The following MINDY3 variants were observed in gnomAD, a reference collection of about 807,000 sequenced individuals.
MINDY3 encodes the protein ubiquitin carboxyl-terminal hydrolase MINDY-3.
Under a neutral mutation model 69.2 loss-of-function variants are expected in MINDY3, and 38 were observed. The observed-to-expected ratio is 0.55, with a 90% CI of 0.42 to 0.72. MINDY3 has a LOEUF of 0.72. MINDY3 is among the 30% of genes least tolerant of loss of function. MINDY3 has a pLI of 0.00. For synonymous variants in MINDY3, 192 were observed against 180.1 expected, an observed-to-expected ratio of 1.07 and a Z score of -0.53; for missense variants, 522 against 519.0, an observed-to-expected ratio of 1.01 and a Z score of -0.06.
intron 10 of MINDY3, among the ~76,000 whole-genome samples, chr10:15,809,537 C>T (rs35140956): frequency 0.036 from 5,428 of 152,236 alleles, 121 homozygotes; most frequent in Non-Finnish European, 0.055. Context: ...TCTGCCACAG[C>T]TCAGATGACC....
At chr10:15,843,853 G>T (rs1473253793) in intron 2 of MINDY3, among the ~76,000 whole-genome samples, 2 of 152,122 alleles carry the variant, frequency 1.3e-5, no homozygotes, top group Admixed American at 6.6e-5. Context: ...AAGCTGCACA[G>T]TGAAGTGTCT....
chr10:15,814,906 C>T (rs1452425824), intron 10 of MINDY3, among the ~76,000 whole-genome samples: 1 of 152,168 alleles, frequency 6.6e-6, no homozygotes, highest in East Asian at 1.9e-4. Context: ...ACAGCTCATT[C>T]GACACTGTTC....
intron 6 of MINDY3, among the ~76,000 whole-genome samples, chr10:15,835,663 A>G (rs111843359): frequency 5.8e-4 from 88 of 152,226 alleles, no homozygotes; most frequent in African/African-American, 2.0e-3. Flanking sequence ...TGAGCATAAG[A>G]AAGTTGGAGA....
At chr10:15,786,411 C>T in intron 13 of MINDY3, 150 bp downstream of exon 13, 1 of 597,884 alleles carries the variant, frequency 1.7e-6, no homozygotes, top group Non-Finnish European at 3.0e-6. Flanking sequence ...ACACACATTC[C>T]CTCTGTCTGG....
At chr10:15,831,221 G>A (rs1279249394) in intron 8 of MINDY3, among the ~76,000 whole-genome samples, 15 of 152,164 alleles carry the variant, frequency 9.9e-5, no homozygotes, top group Admixed American at 9.8e-4. Flanking sequence ...GTTTAAATGA[G>A]TTTAAGTAGG....
intron 14 of MINDY3, among the ~76,000 whole-genome samples, chr10:15,780,009 C>T (rs1401370160): frequency 1.3e-5 from 2 of 152,160 alleles, no homozygotes; most frequent in African/African-American, 4.8e-5. Context: ...AAGAGAAATT[C>T]TGATGCTGTA....
intron 8 of MINDY3, among the ~76,000 whole-genome samples, chr10:15,823,636 A>G (rs1015861066): frequency 5.9e-5 from 9 of 152,144 alleles, no homozygotes; most frequent in African/African-American, 1.7e-4. Context: ...TTAAACACAT[A>G]TACTACATAA....
rs567580698 is a variant in MINDY3, at chr10:15,833,194, A to G, written c.730+436T>C. ...GAAGAGTTGGTAATTTAAAAGTCTC[A>G]GTATTAAATTTGCTCGGTGTTTTAA... On this transcript the variant is annotated intron_variant, in intron 8 of 14. Coordinates refer to ENST00000277632, the MANE Select transcript of MINDY3 (RefSeq NM_024948.4). 3.3e-5 allele frequency among the ~76,000 whole-genome samples: 5 copies of G among 152,352 alleles called. No individual in the cohort carries two copies. In the East Asian group the frequency reaches 9.6e-4, roughly 29 times the overall value.
At position 15,847,956 on chromosome 10, in the gene MINDY3, G is replaced by T; in HGVS notation, c.95-13C>A. On this transcript the variant is annotated splice_polypyrimidine_tract_variant and intron_variant, in intron 1 of 14. Transcript: ENST00000277632. The stretch of plus-strand genomic sequence containing the variant: ...CTAAACACAAACCCTAAAAATGAAA[G>T]CAAGTAGGAAAGATTAAAAATATAA... 1 of 1,602,562 alleles carries T rather than the reference G, an allele frequency of 6.2e-7. No individual in the cohort carries two copies.
At chr10:15,853,997 T>G (rs1834504573) in intron 1 of MINDY3, among the ~76,000 whole-genome samples, 1 of 152,106 alleles carries the variant, frequency 6.6e-6, no homozygotes, top group Non-Finnish European at 1.5e-5. Flanking sequence ...TGACTTCTGG[T>G]ATGGTATAAT....
chr10:15,820,268 A>T (rs1042842550), intron 9 of MINDY3, among the ~76,000 whole-genome samples: 2 of 152,124 alleles, frequency 1.3e-5, no homozygotes, highest in African/African-American at 4.8e-5. Context: ...CAAGCACTGG[A>T]GAGGGCTCGG....
At chr10:15,841,011 TCCCCATC>T (rs1833430019) in intron 4 of MINDY3, among the ~76,000 whole-genome samples, 3 of 151,444 alleles carry the variant, frequency 2.0e-5, no homozygotes, top group Non-Finnish European at 4.4e-5. Context: ...AGGAGAAATG[TCCCCATC>T]TTTGCTCTGG....
intron 2 of MINDY3, among the ~76,000 whole-genome samples, chr10:15,843,609 G>C (rs979841362): frequency 6.6e-6 from 1 of 151,996 alleles, no homozygotes. Context: ...TGTAGAACAC[G>C]AACAAGTCTA....
chr10:15,857,023 G>T (rs1018190660), intron 1 of MINDY3, among the ~76,000 whole-genome samples: 8 of 152,094 alleles, frequency 5.3e-5, no homozygotes, highest in Admixed American at 2.0e-4. Context: ...TCTCTCCTTT[G>T]CTTCAAACCT....
chr10:15,787,289 G>T (rs1324122827), intron 12 of MINDY3, among the ~76,000 whole-genome samples: 3 of 152,118 alleles, frequency 2.0e-5, no homozygotes, highest in African/African-American at 7.2e-5. Flanking sequence ...ACCAAGGCTG[G>T]TGACAGGTGG....
chr10:15,826,553 C>T lies in MINDY3; in HGVS notation c.731-4827G>A, dbSNP rs553592160. ...AACCAATCCAAATCTTCAAAGATTT[C>T]TTAAAACTGGAACTTGAAGAGCTGG... On this transcript the variant is annotated intron_variant, in intron 8 of 14. Transcript: ENST00000277632. Among the ~76,000 whole-genome samples the T allele has an allele frequency of 9.9e-5, 15 of 152,152 alleles. No individual in the cohort carries two copies. The East Asian group carries it at 2.9e-3, about 29-fold the overall frequency.
chr10:15,859,583 G>C (rs747488265), intron 1 of MINDY3, among the ~76,000 whole-genome samples: 23 of 152,070 alleles, frequency 1.5e-4, no homozygotes, highest in Non-Finnish European at 2.9e-4. Flanking sequence ...CAAGCATACC[G>C]GCCGAGGAAG....
At chr10:15,832,515 T>C (rs1392391256) in intron 8 of MINDY3, among the ~76,000 whole-genome samples, 3 of 152,142 alleles carry the variant, frequency 2.0e-5, no homozygotes, top group Admixed American at 6.5e-5. Context: ...AAGAATAGGA[T>C]GATCTCAATT....
In MINDY3 at chr10:15,784,067, T is replaced by C. The variant is rs557472617; in HGVS notation, c.1117-1841A>G. ...AGTTCTCTAATCTTCAATTTCCTCATTGTCAAAAAATTCCTGAATCAGCTA... is the reference window on the plus strand; with the variant it reads ...AGTTCTCTAATCTTCAATTTCCTCACTGTCAAAAAATTCCTGAATCAGCTA... On this transcript the variant is annotated intron_variant, in intron 13 of 14. Transcript: ENST00000277632. 2.0e-5 allele frequency among the ~76,000 whole-genome samples: 3 copies of C among 152,222 alleles called. No individual in the cohort carries two copies. The South Asian group carries it at 6.2e-4, about 32-fold the overall frequency.
Sources: allele counts gnomAD v4.1 joint callset (sites outside exome capture counted in the v4.1 genomes callset), GRCh38; gene constraint gnomAD v4.1.1; transcripts MANE v1.5; gene names NCBI Gene and HGNC (gene_info 2026-07-23, HGNC 2026-07-21).